The following PTN variants were observed in gnomAD, a reference collection of about 807,000 sequenced individuals.
The protein encoded by PTN is pleiotrophin, also known as heparin affin regulatory protein.
Under a neutral mutation model 24.1 loss-of-function variants are expected in PTN, and 18 were observed. The ratio of observed to expected loss-of-function variants is 0.75; its 90% CI spans 0.52 to 1.11. The LOEUF (loss-of-function observed/expected upper bound fraction) is 1.11, where lower values mean the gene tolerates loss of function less well. PTN is among the 50% of genes least tolerant of loss of function. The pLI is 0.00. For synonymous variants in PTN, 78 were observed against 68.6 expected, an observed-to-expected ratio of 1.14 and a Z score of -0.67; for missense variants, 163 against 198.8, an observed-to-expected ratio of 0.82 and a Z score of 1.08.
chr7:137,298,563 C>T (rs1309767931), intron 1 of PTN, among the ~76,000 whole-genome samples: 1 of 151,892 alleles, frequency 6.6e-6, no homozygotes, highest in Non-Finnish European at 1.5e-5. Flanking sequence ...ATTCTGTGCA[C>T]ACTCTTGGTG....
intron 1 of PTN, among the ~76,000 whole-genome samples, chr7:137,262,236 T>C (rs141716449): frequency 2.8e-4 from 43 of 152,332 alleles, no homozygotes; most frequent in African/African-American, 8.4e-4. Flanking sequence ...TTATTTTCAA[T>C]ATTTGTCATT....
intron 4 of PTN, among the ~76,000 whole-genome samples, chr7:137,241,766 C>T (rs993554192): frequency 2.0e-5 from 3 of 152,114 alleles, no homozygotes; most frequent in Admixed American, 1.3e-4. Flanking sequence ...GAAATAAAAA[C>T]TTGAGACCCA....
intron 4 of PTN, among the ~76,000 whole-genome samples, chr7:137,250,257 A>T (rs1003613775): frequency 6.6e-6 from 1 of 152,162 alleles, no homozygotes; most frequent in South Asian, 2.1e-4. Flanking sequence ...ATTGTCTTGC[A>T]GTTCTGGAAG....
intron 1 of PTN, among the ~76,000 whole-genome samples, chr7:137,337,521 A>G (rs1810468508): frequency 6.6e-6 from 1 of 152,254 alleles, no homozygotes; most frequent in Non-Finnish European, 1.5e-5. Flanking sequence ...CATAGAAGTT[A>G]TAATGAAAAT....
intron 1 of PTN, among the ~76,000 whole-genome samples, chr7:137,324,221 T>C (rs1810212344): frequency 6.6e-6 from 1 of 151,674 alleles, no homozygotes; most frequent in South Asian, 2.1e-4. Context: ...AGTAGTTCTG[T>C]GGCCTTGCTA....
At chr7:137,255,781 T>C (rs1452064840) in intron 1 of PTN, among the ~76,000 whole-genome samples, 1 of 152,176 alleles carries the variant, frequency 6.6e-6, no homozygotes, top group Non-Finnish European at 1.5e-5. Flanking sequence ...AGTGTCAATA[T>C]GGTCACTTGG....
At chr7:137,259,780 G>A (rs926278413) in intron 1 of PTN, among the ~76,000 whole-genome samples, 8 of 151,758 alleles carry the variant, frequency 5.3e-5, no homozygotes, top group Non-Finnish European at 8.8e-5. Flanking sequence ...TTACTTCTTC[G>A]AAGCTTAATA....
intron 4 of PTN, among the ~76,000 whole-genome samples, chr7:137,230,569 A>C (rs563902759): frequency 6.6e-6 from 1 of 151,924 alleles, no homozygotes; most frequent in East Asian, 1.9e-4. Context: ...TTACATAACA[A>C]AGTGTTCAAA....
intron 1 of PTN, among the ~76,000 whole-genome samples, chr7:137,312,315 C>T (rs537651143): frequency 2.0e-5 from 3 of 152,302 alleles, no homozygotes; most frequent in Middle Eastern, 3.4e-3. Context: ...CTTAGAACAG[C>T]TTGGCTTAAT....
intron 1 of PTN, among the ~76,000 whole-genome samples, chr7:137,265,298 G>A (rs1376105659): frequency 1.3e-5 from 2 of 151,908 alleles, no homozygotes; most frequent in Non-Finnish European, 2.9e-5. Context: ...TTTCCTTCTG[G>A]TTGATGAAAT....
intron 1 of PTN, among the ~76,000 whole-genome samples, chr7:137,260,555 G>A (rs1809017320): frequency 6.6e-6 from 1 of 151,696 alleles, no homozygotes; most frequent in African/African-American, 2.4e-5. Flanking sequence ...CTTTCAATTT[G>A]CTTTTACTAT....
At chr7:137,278,978 TAATAA>T (rs1809419569) in intron 1 of PTN, among the ~76,000 whole-genome samples, 1 of 145,390 alleles carries the variant, frequency 6.9e-6, no homozygotes, top group Non-Finnish European at 1.5e-5. Context: ...ATAATAATAA[TAATAA>T]AATAAAGAAA....
intron 1 of PTN, among the ~76,000 whole-genome samples, chr7:137,271,586 G>C (rs1172982220): frequency 6.6e-6 from 1 of 152,198 alleles, no homozygotes; most frequent in Non-Finnish European, 1.5e-5. Flanking sequence ...CAATTATTCT[G>C]GGGAGCCAAA....
At chr7:137,297,585 GAGA>G (rs1809738799) in intron 1 of PTN, among the ~76,000 whole-genome samples, 2 of 152,030 alleles carry the variant, frequency 1.3e-5, no homozygotes, top group Admixed American at 6.6e-5. Context: ...AATCTACAGA[GAGA>G]AGGAGAGAGC....
At chr7:137,255,905 T>C (rs1261423678) in intron 1 of PTN, among the ~76,000 whole-genome samples, 2 of 152,214 alleles carry the variant, frequency 1.3e-5, no homozygotes, top group East Asian at 3.8e-4. Flanking sequence ...CTCCATCTGC[T>C]GTGTTAGTGG....
At chr7:137,278,261 C>T (rs1443088601) in intron 1 of PTN, among the ~76,000 whole-genome samples, 3 of 129,506 alleles carry the variant, frequency 2.3e-5, no homozygotes, top group African/African-American at 3.0e-5. Context: ...GAGCCGAGAT[C>T]GCGCCACTGC....
intron 1 of PTN, among the ~76,000 whole-genome samples, chr7:137,264,611 A>G (rs1162189853): frequency 6.6e-6 from 1 of 152,162 alleles, no homozygotes; most frequent in Non-Finnish European, 1.5e-5. Context: ...ACTGAGTCCA[A>G]TAACTCTACA....
Position 137,338,797 on chromosome 7 carries a change from G to T in PTN, c.-2+4642C>A, listed in dbSNP as rs1216231097. On this transcript the variant is annotated intron_variant, in intron 1 of 4. Coordinates refer to ENST00000348225, the MANE Select transcript of PTN (RefSeq NM_002825.7). ...TTACTTCAATCTCCTCCTCCAAATA[G>T]AATTGTGCCTGAATGATTTCCTTCA... Among the ~76,000 whole-genome samples the T allele has an allele frequency of 2.0e-5, 3 of 152,064 alleles. No individual in the cohort carries two copies. In the East Asian group the frequency reaches 5.8e-4, roughly 29 times the overall value.
chr7:137,335,928 C>CT (rs35429933), intron 1 of PTN, among the ~76,000 whole-genome samples: 6,176 of 141,824 alleles, frequency 0.044, 451 homozygotes, highest in African/African-American at 0.15. Flanking sequence ...TGTCTTCTCG[C>CT]TTTTTTTTTT....
Sources: allele counts gnomAD v4.1 joint callset (sites outside exome capture counted in the v4.1 genomes callset), GRCh38; gene constraint gnomAD v4.1.1; transcripts MANE v1.5; gene names NCBI Gene and HGNC (gene_info 2026-07-23, HGNC 2026-07-21).